The following ZNF234 variants were observed in gnomAD, a reference collection of about 807,000 sequenced individuals.
ZNF234 encodes zinc finger protein 234, also known as C2-H2 type zinc finger protein.
Under a neutral mutation model 10.3 loss-of-function variants are expected in ZNF234, and 4 were observed. The observed-to-expected ratio is 0.39, with a 90% CI of 0.19 to 0.89. The LOEUF is 0.89. Ranked by LOEUF, ZNF234 falls within the 40% of genes least tolerant of loss-of-function variation. The pLI is 0.38. For synonymous variants in ZNF234, 258 were observed against 280.1 expected (o/e 0.92, Z 0.79); for missense variants, 711 against 836.1 (o/e 0.85, Z 1.85).
chr19:44,144,146 C>G lies in ZNF234; in HGVS notation c.-76-411C>G, dbSNP rs531426913. ...ATTTTCATCCCCCAATTGGACTCCT[C>G]TTGCCCATTTACAGTTAATCCCCAT... On this transcript the variant is annotated intron_variant, in intron 2 of 5. Coordinates refer to ENST00000426739, the MANE Select transcript of ZNF234 (RefSeq NM_006630.3). Among the ~76,000 whole-genome samples the G allele has an allele frequency of 3.9e-5, 6 of 152,324 alleles. No individual in the cohort carries two copies. The South Asian group carries it at 1.2e-3, about 32-fold the overall frequency.
chr19:44,153,147 A>C (rs1238685295), intron 5 of ZNF234, among the ~76,000 whole-genome samples: 2 of 114,902 alleles, frequency 1.7e-5, no homozygotes, highest in Non-Finnish European at 3.7e-5. Context: ...AGTTTGTTAA[A>C]TCTAATCATG....
In ZNF234 at chr19:44,144,569, G is replaced by C; in HGVS notation, c.-64G>C. On this transcript the variant is annotated 5_prime_UTR_variant, in exon 3 of 6. Coordinates refer to ENST00000426739, the MANE Select transcript of ZNF234 (RefSeq NM_006630.3). ...GTGTCTTCCATAGTGTTCCAGGCAC[G>C]ATTCTGCCTTCTCTCAAATGGCATA... The C allele has an allele frequency of 7.0e-7, 1 of 1,434,578 alleles. No individual in the cohort carries two copies. The highest frequency in any genetic ancestry group is 9.3e-7 in the Non-Finnish European group (1 of 1,077,400). 88.9% of individuals were successfully genotyped at this position (1,434,578 alleles called of 1,614,324 possible).
chr19:44,147,247 A>AT (rs1968621075), intron 3 of ZNF234, among the ~76,000 whole-genome samples: 1 of 151,642 alleles, frequency 6.6e-6, no homozygotes, highest in South Asian at 2.1e-4. Context: ...AGTTTAATTT[A>AT]TTTTTTTGGG....
intron 5 of ZNF234, among the ~76,000 whole-genome samples, chr19:44,154,595 T>C (rs1968829320): frequency 6.6e-6 from 1 of 151,066 alleles, no homozygotes; most frequent in Non-Finnish European, 1.5e-5. Context: ...TGTCTACTGA[T>C]ACAAAGGAGG....
intron 3 of ZNF234, among the ~76,000 whole-genome samples, chr19:44,146,765 A>G (rs1413366334): frequency 2.0e-5 from 3 of 150,400 alleles, no homozygotes; most frequent in South Asian, 4.2e-4. Context: ...GCTTTTGGTC[A>G]TCATATAGAG....
In ZNF234 at chr19:44,156,960, C is replaced by A. The variant is rs1253254860; in HGVS notation, c.944C>A (p.Pro315Gln). The change falls in exon 6 of 6, where the codon CCA becomes CAA. Residue 315 changes from proline (P) to glutamine (Q), a missense_variant. Coordinates refer to ENST00000426739, the MANE Select transcript of ZNF234 (RefSeq NM_006630.3). The stretch of plus-strand genomic sequence containing the variant: ...TGCATGGTCCACACAGGAGAGAAAC[C>A]ATACAAATGTGAGGACTGTGGTAAG... ...NHCMVHTGEK[P>Q]YKCEDCGKCF... 6.2e-7 allele frequency: 1 copy of A among 1,614,110 alleles called. No homozygotes were observed. Among genetic ancestry groups the A allele is most frequent in the Non-Finnish European group, 8.5e-7 (1 of 1,179,962 alleles).
intron 5 of ZNF234, among the ~76,000 whole-genome samples, chr19:44,153,025 G>A (rs1430119783): frequency 6.6e-6 from 1 of 151,626 alleles, no homozygotes; most frequent in East Asian, 1.9e-4. Context: ...TGGCTTTTAT[G>A]TTCAACTAGT....
intron 5 of ZNF234, among the ~76,000 whole-genome samples, chr19:44,152,576 T>G (rs983113438): frequency 6.6e-6 from 1 of 152,172 alleles, no homozygotes; most frequent in African/African-American, 2.4e-5. Context: ...GACCACACTT[T>G]GAGTAACAAG....
At chr19:44,150,652 C>T in intron 5 of ZNF234, 147 bp downstream of exon 5, 1 of 599,110 alleles carries the variant, frequency 1.7e-6, no homozygotes, top group East Asian at 2.8e-5. Context: ...ACTGCATCCA[C>T]CCTCAATAGT....
intron 5 of ZNF234, among the ~76,000 whole-genome samples, chr19:44,155,956 G>A (rs1383094048): frequency 3.3e-5 from 5 of 152,018 alleles, no homozygotes; most frequent in Non-Finnish European, 7.4e-5. Context: ...TTTAAAATTC[G>A]ATGGAAATGG....
rs774651078 is a variant in ZNF234 at position 44,158,134 on chromosome 19, A to AG, written c.*15_*16insG. The AG allele has an allele frequency of 1.1e-5, 17 of 1,581,480 alleles. No individual in the cohort carries two copies. Among genetic ancestry groups the AG allele is most frequent in the African/African-American group, 1.4e-5 (1 of 72,532 alleles). On this transcript the variant is annotated 3_prime_UTR_variant, in exon 6 of 6. Coordinates refer to ENST00000426739, the MANE Select transcript of ZNF234 (RefSeq NM_006630.3). The stretch of plus-strand genomic sequence containing the variant: ...CTACAAGGTGATTAAAAAAAAAAAA[A>AG]CAGAACTCATGTACAACCTGAATGC...
rs974794737 is a variant in ZNF234 at position 44,146,533 on chromosome 19, CA to C, written c.15+1887del. On this transcript the variant is annotated intron_variant, in intron 3 of 5. Transcript: ENST00000426739. Reference sequence around the variant, plus strand: ...GAGGAGTACCCTGAAGCATGGGGATCAGGGGGTGAGGTTTTTGGTAAGTGTT... The same window carrying C: ...GAGGAGTACCCTGAAGCATGGGGATCGGGGGTGAGGTTTTTGGTAAGTGTT... Among the ~76,000 whole-genome samples the C allele has an allele frequency of 5.3e-5, 8 of 152,226 alleles. No individual in the cohort carries two copies. In the South Asian group the frequency reaches 8.3e-4, roughly 16 times the overall value.
At position 44,156,843 on chromosome 19, in the gene ZNF234, A is replaced by G; in HGVS notation, c.827A>G (p.Gln276Arg). Residue 276 changes from glutamine to arginine, a missense_variant, in exon 6 of 6, where the codon CAG (glutamine) becomes CGG (arginine). By Grantham distance (43) the Gln-to-Arg change is conservative. Coordinates refer to ENST00000426739, the MANE Select transcript of ZNF234 (RefSeq NM_006630.3). ...GCCTTCATACATGCTTCCCATCTTC[A>G]GGAACATCAGAGAATTCATACTGGG... ...GRAFIHASHL[Q>R]EHQRIHTGEK... is the part of the protein sequence containing the mutation. 6.2e-7 allele frequency: 1 copy of G among 1,609,908 alleles called. No homozygotes were observed. The highest frequency in any genetic ancestry group is 1.7e-4 in the Middle Eastern group (1 of 6,040).
At position 44,144,190 on chromosome 19, in the gene ZNF234, TCAA is replaced by T. The variant is rs1302281876; in HGVS notation, c.-76-363_-76-361del. ...TCCCCATTCTTATCCTAAATCCCCA[TCAA>T]CAAGTAACCTACTTTCTTTATAAAC... On this transcript the variant is annotated intron_variant, in intron 2 of 5. Coordinates refer to ENST00000426739, the MANE Select transcript of ZNF234 (RefSeq NM_006630.3). Among the ~76,000 whole-genome samples the T allele has an allele frequency of 4.6e-5, 7 of 152,256 alleles. No individual in the cohort carries two copies. In the East Asian group the frequency reaches 1.4e-3, roughly 29 times the overall value.
intron 5 of ZNF234, among the ~76,000 whole-genome samples, chr19:44,152,020 C>T (rs900998515): frequency 3.9e-5 from 6 of 152,132 alleles, no homozygotes; most frequent in African/African-American, 1.4e-4. Context: ...GCCTCAAAGC[C>T]CTTATTTGCC....
intron 5 of ZNF234, among the ~76,000 whole-genome samples, chr19:44,152,959 G>A (rs1421736237): frequency 2.6e-5 from 4 of 151,812 alleles, no homozygotes; most frequent in Admixed American, 6.6e-5. Context: ...TAGCCATTAA[G>A]CATATATTAA....
rs758056568 is a variant in ZNF234, at chr19:44,157,039, G to A, written c.1023G>A (p.Glu341=). ...LRIHQRVHTG[E]KPYKCEECGK... is the part of the protein sequence containing the mutation. ...TCCATCAAAGGGTCCACACAGGAGA[G>A]AAACCTTACAAGTGTGAAGAATGTG... Residue 341 remains glutamate, a synonymous_variant, in exon 6 of 6, where the codon GAG becomes GAA. Coordinates refer to ENST00000426739, the MANE Select transcript of ZNF234 (RefSeq NM_006630.3). 6.2e-7 allele frequency: 1 copy of A among 1,614,200 alleles called. No homozygotes were observed. The highest frequency in any genetic ancestry group is 2.2e-5 in the East Asian group (1 of 44,882).
intron 2 of ZNF234, among the ~76,000 whole-genome samples, chr19:44,143,066 A>T (rs1414872957): frequency 6.6e-6 from 1 of 152,192 alleles, no homozygotes; most frequent in Non-Finnish European, 1.5e-5. Context: ...TCTTCTCATT[A>T]TTATTTCTCC....
intron 5 of ZNF234, among the ~76,000 whole-genome samples, chr19:44,152,229 C>G (rs572698809): frequency 6.6e-6 from 1 of 152,276 alleles, no homozygotes; most frequent in African/African-American, 2.4e-5. Context: ...TCTCTCCCCA[C>G]TGGAATATAA....
Sources: allele counts gnomAD v4.1 joint callset (sites outside exome capture counted in the v4.1 genomes callset), GRCh38; gene constraint gnomAD v4.1.1; transcripts MANE v1.5; gene names NCBI Gene and HGNC (gene_info 2026-07-23, HGNC 2026-07-21).